Variants in CABCOCO1 observed in about 807,000 individuals in gnomAD.
CABCOCO1 encodes ciliary associated calcium binding coiled-coil 1, also known as ciliary-associated calcium-binding coiled-coil protein 1.
In CABCOCO1, 28 loss-of-function variants were observed where a neutral mutation model predicts 35.7. The ratio of observed to expected loss-of-function variants is 0.78; its 90% CI spans 0.58 to 1.07. The LOEUF (loss-of-function observed/expected upper bound fraction) is 1.07. CABCOCO1 is among the 50% of genes least tolerant of loss of function. The pLI is 0.00. For missense variants in CABCOCO1, 326 were observed against 309.2 expected (o/e 1.05, Z -0.41); for synonymous variants, 95 against 100.1 (o/e 0.95, Z 0.30).
intron 1 of CABCOCO1, among the ~76,000 whole-genome samples, chr10:61,666,188 C>A (rs1357969761): frequency 1.3e-5 from 2 of 152,136 alleles, no homozygotes; most frequent in African/African-American, 4.8e-5. Context: ...TACATTGGGT[C>A]GTCCCTAAAG....
intron 5 of CABCOCO1, among the ~76,000 whole-genome samples, chr10:61,756,066 G>A (rs956386092): frequency 6.6e-6 from 1 of 151,844 alleles, no homozygotes; most frequent in South Asian, 2.1e-4. Flanking sequence ...TGTAAATAAC[G>A]ACCTTGATTT....
intron 5 of CABCOCO1, among the ~76,000 whole-genome samples, chr10:61,717,276 A>G (rs1297861559): frequency 6.6e-6 from 1 of 152,224 alleles, no homozygotes; most frequent in African/African-American, 2.4e-5. Flanking sequence ...ACTTTGGAAT[A>G]AAGGGCACTT....
At chr10:61,720,944 C>CTTTTTTTTTA (rs1840997911) in intron 5 of CABCOCO1, among the ~76,000 whole-genome samples, 1 of 93,846 alleles carries the variant, frequency 1.1e-5, no homozygotes, top group Non-Finnish European at 2.2e-5. Context: ...TTTTTTTTTG[C>CTTTTTTTTTA]GACAGAGTCT....
chr10:61,757,986 G>T (rs940018348), intron 5 of CABCOCO1, among the ~76,000 whole-genome samples: 8 of 152,084 alleles, frequency 5.3e-5, no homozygotes, highest in African/African-American at 1.9e-4. Flanking sequence ...GGCCTAGCCT[G>T]TGTATGGCCA....
chr10:61,676,905 C>CA lies in CABCOCO1; in HGVS notation c.164+4178dup, dbSNP rs915539994. Among the ~76,000 whole-genome samples, 5 of 151,178 alleles carry CA rather than the reference C, an allele frequency of 3.3e-5. 1 individual carries two copies. The highest frequency in any genetic ancestry group is 1.9e-4 in the East Asian group (1 of 5,152). Reference sequence around the variant, plus strand: ...TGAAACCCCATCTCTACTAAAAATACAAAAAAAATTTAGCCGAGCGTGGTG... The same window carrying CA: ...TGAAACCCCATCTCTACTAAAAATACAAAAAAAAATTTAGCCGAGCGTGGTG... On this transcript the variant is annotated intron_variant, in intron 2 of 7. Transcript: ENST00000648843.
chr10:61,686,373 T>G (rs1564535216), intron 4 of CABCOCO1, among the ~76,000 whole-genome samples, 188 bp downstream of exon 4: 1 of 152,102 alleles, frequency 6.6e-6, no homozygotes, highest in Admixed American at 6.6e-5. Flanking sequence ...ACCTAATAAC[T>G]AAAAGTCAGA....
chr10:61,689,992 T>G (rs1460997135), intron 4 of CABCOCO1, among the ~76,000 whole-genome samples: 1 of 152,172 alleles, frequency 6.6e-6, no homozygotes, highest in African/African-American at 2.4e-5. Context: ...CCCTTTCATG[T>G]ATGACCGAAT....
chr10:61,763,871 A>G (rs1842057187), intron 7 of CABCOCO1, among the ~76,000 whole-genome samples: 1 of 152,036 alleles, frequency 6.6e-6, no homozygotes, highest in South Asian at 2.1e-4. Context: ...AAGAATGACA[A>G]GGAAACACGG....
chr10:61,764,794 C>A (rs545678941), intron 7 of CABCOCO1, among the ~76,000 whole-genome samples: 168 of 152,068 alleles, frequency 1.1e-3, no homozygotes, highest in Non-Finnish European at 2.1e-3. Flanking sequence ...AAGACTGATA[C>A]TTATGTGAGT....
intron 5 of CABCOCO1, among the ~76,000 whole-genome samples, chr10:61,712,221 C>G (rs186457770): frequency 5.6e-4 from 85 of 152,292 alleles, no homozygotes; most frequent in Non-Finnish European, 1.1e-3. Context: ...CAGATGGTTT[C>G]TCATCGTGGT....
intron 5 of CABCOCO1, chr10:61,701,900 C>A: frequency 1.3e-6 from 1 of 759,622 alleles, no homozygotes; most frequent in Non-Finnish European, 1.6e-6. Context: ...GTCTTGTCTG[C>A]ATAACTCCCA....
intron 2 of CABCOCO1, among the ~76,000 whole-genome samples, chr10:61,674,613 C>G (rs759865581): frequency 1.3e-5 from 2 of 152,030 alleles, no homozygotes; most frequent in Admixed American, 6.6e-5. Flanking sequence ...TATCCTATCA[C>G]CAAGTGACAG....
chr10:61,683,934 T>C (rs191431397), intron 3 of CABCOCO1, among the ~76,000 whole-genome samples: 27 of 152,302 alleles, frequency 1.8e-4, no homozygotes, highest in Middle Eastern at 3.4e-3. Flanking sequence ...TTGATAAGTA[T>C]AATTTCATCT....
chr10:61,682,176 C>T (rs1268133854), intron 3 of CABCOCO1, among the ~76,000 whole-genome samples: 2 of 152,072 alleles, frequency 1.3e-5, no homozygotes, highest in Non-Finnish European at 2.9e-5. Context: ...TTATAACTGA[C>T]TCAGTAACAT....
intron 5 of CABCOCO1, among the ~76,000 whole-genome samples, chr10:61,720,007 G>A (rs1454037532): frequency 6.6e-6 from 1 of 151,360 alleles, no homozygotes; most frequent in African/African-American, 2.4e-5. Context: ...GATTGCCAGA[G>A]AGCCAAGAAA....
intron 1 of CABCOCO1, among the ~76,000 whole-genome samples, chr10:61,667,150 ATATAAT>A (rs1839210305): frequency 6.9e-6 from 1 of 145,062 alleles, no homozygotes; most frequent in Admixed American, 7.0e-5. Context: ...GTATATATAA[ATATAAT>A]TATATGTTAT....
At chr10:61,723,370 G>T (rs1841069350) in intron 5 of CABCOCO1, among the ~76,000 whole-genome samples, 1 of 152,088 alleles carries the variant, frequency 6.6e-6, no homozygotes, top group Non-Finnish European at 1.5e-5. Flanking sequence ...CAAATCAAAA[G>T]CAAAAATATG....
intron 5 of CABCOCO1, among the ~76,000 whole-genome samples, chr10:61,712,113 T>G (rs955526512): frequency 6.6e-6 from 1 of 150,942 alleles, no homozygotes; most frequent in African/African-American, 2.4e-5. Flanking sequence ...TGTAAAAGCA[T>G]TCCTATTTCT....
At chr10:61,724,269 T>G (rs553245021) in intron 5 of CABCOCO1, among the ~76,000 whole-genome samples, 1 of 152,164 alleles carries the variant, frequency 6.6e-6, no homozygotes, top group African/African-American at 2.4e-5. Context: ...ATCAAAACCC[T>G]AACAAAATTT....
Sources: allele counts gnomAD v4.1 joint callset (sites outside exome capture counted in the v4.1 genomes callset), GRCh38; gene constraint gnomAD v4.1.1; transcripts MANE v1.5; gene names NCBI Gene and HGNC (gene_info 2026-07-23, HGNC 2026-07-21).